The following CYP3A5 variants were observed in gnomAD, a reference collection of about 807,000 sequenced individuals.
CYP3A5 encodes cytochrome P450 family 3 subfamily A member 5.
CYP3A5 carries 51 observed loss-of-function variants against 55.9 expected under a neutral mutation model. The ratio of observed to expected loss-of-function variants is 0.91; its 90% CI spans 0.73 to 1.15. The LOEUF is 1.15. CYP3A5 is among the 50% of genes most tolerant of loss of function. The pLI is 0.00. For missense variants in CYP3A5, 533 were observed against 596.6 expected (o/e 0.89, Z 1.11); for synonymous variants, 196 against 213.9 (o/e 0.92, Z 0.73).
Position 99,667,031 on chromosome 7 carries a change from A to G in CYP3A5, c.353T>C (p.Ile118Thr), listed in dbSNP as rs1811093184. ...CCATTCTTCATCCTCAGCTAAAGAG[A>G]TGGCACTTTTCATAAATCCCACTGG... ...LGPVGFMKSAISLAEDEEWKR... is the reference protein window; with the variant it reads ...LGPVGFMKSATSLAEDEEWKR... The change falls in exon 5 of 13, where the codon ATC becomes ACC. Residue 118 changes from isoleucine to threonine, a missense_variant. Physicochemically the swap from Ile to Thr is moderately conservative, Grantham distance 89. Transcript: ENST00000222982. 3 of 1,614,022 alleles carry G rather than the reference A, an allele frequency of 1.9e-6. No homozygotes were observed. The highest frequency in any genetic ancestry group is 1.3e-5 in the African/African-American group (1 of 74,926).
intron 2 of CYP3A5, 34 bp from the exon 3 acceptor site, chr7:99,674,619 A>T (rs1046541011): frequency 6.3e-7 from 1 of 1,581,974 alleles, no homozygotes; most frequent in Non-Finnish European, 8.7e-7. Flanking sequence ...GTTGATTATT[A>T]TTTTAAATAG....
At chr7:99,676,334 C>A in intron 1 of CYP3A5, 126 bp from the exon 2 acceptor site, 1 of 1,555,508 alleles carries the variant, frequency 6.4e-7, no homozygotes. Flanking sequence ...ATAATAACAG[C>A]AACTCCAACA....
In CYP3A5 at chr7:99,662,694, T is replaced by C; in HGVS notation, c.865+122A>G. On this transcript the variant is annotated intron_variant, in intron 9 of 12. Coordinates refer to ENST00000222982, the MANE Select transcript of CYP3A5 (RefSeq NM_000777.5). The surrounding 1 kb of genome is among the most constrained non-coding windows in gnomAD (Gnocchi z 4.3). ...AGCTACCATTTATAACATCTAAATG[T>C]GTGTTGTTCTGCTATGTGGCAAAAA... The C allele has an allele frequency of 1.1e-6, 1 of 883,740 alleles. No individual in the cohort carries two copies. Among genetic ancestry groups the C allele is most frequent in the Non-Finnish European group, 1.8e-6 (1 of 550,496 alleles). 54.7% of individuals were successfully genotyped at this position (883,740 alleles called of 1,614,324 possible).
intron 10 of CYP3A5, among the ~76,000 whole-genome samples, chr7:99,657,135 T>C (rs1343805831): frequency 6.6e-6 from 1 of 152,240 alleles, no homozygotes; most frequent in African/African-American, 2.4e-5. Context: ...CTTTTGAATG[T>C]GTTTGCTCCT....
At chr7:99,678,106 C>T (rs185099766) in intron 1 of CYP3A5, among the ~76,000 whole-genome samples, 9 of 152,338 alleles carry the variant, frequency 5.9e-5, no homozygotes, top group African/African-American at 1.7e-4. Context: ...CATTTTCTGA[C>T]TCCTGGGCTG....
chr7:99,677,467 G>T (rs1405402055), intron 1 of CYP3A5, among the ~76,000 whole-genome samples: 1 of 152,218 alleles, frequency 6.6e-6, no homozygotes, highest in African/African-American at 2.4e-5. Flanking sequence ...GTGCAGTATG[G>T]CATATAAGAT....
intron 1 of CYP3A5, among the ~76,000 whole-genome samples, chr7:99,676,826 A>G (rs891229653): frequency 6.6e-6 from 1 of 151,966 alleles, no homozygotes; most frequent in African/African-American, 2.4e-5. Context: ...CAGATTGACA[A>G]CTGTGTTCAT....
At chr7:99,650,317 C>A (rs1295453113) in intron 11 of CYP3A5, 85 bp from the exon 12 acceptor site, 10 of 1,255,944 alleles carry the variant, frequency 8.0e-6, no homozygotes, top group Admixed American at 7.6e-5. Flanking sequence ...TAAGAACAAC[C>A]CCCCTCCACC....
At chr7:99,670,589 G>C (rs1811507259) in intron 4 of CYP3A5, among the ~76,000 whole-genome samples, 2 of 152,162 alleles carry the variant, frequency 1.3e-5, no homozygotes, top group Non-Finnish European at 2.9e-5. Flanking sequence ...GGAATGCCTA[G>C]AGCTGCAATC....
At chr7:99,664,568 T>G (rs1465596868) in intron 7 of CYP3A5, among the ~76,000 whole-genome samples, 1 of 152,036 alleles carries the variant, frequency 6.6e-6, no homozygotes, top group Non-Finnish European at 1.5e-5. Flanking sequence ...AACAATACAG[T>G]TTTAAGTGAC....
At chr7:99,668,884 G>T (rs1294681904) in intron 4 of CYP3A5, among the ~76,000 whole-genome samples, 1 of 152,126 alleles carries the variant, frequency 6.6e-6, no homozygotes, top group Non-Finnish European at 1.5e-5. Context: ...TATTAGGTGT[G>T]TTTGTGGCAA....
At chr7:99,676,368 G>T in intron 1 of CYP3A5, 160 bp from the exon 2 acceptor site, 1 of 1,531,488 alleles carries the variant, frequency 6.5e-7, no homozygotes. Context: ...TCACTCATCA[G>T]GTCCTTTCCT....
chr7:99,664,284 A>ACAC (rs1399802641), intron 7 of CYP3A5, among the ~76,000 whole-genome samples, 189 bp from the exon 8 acceptor site: 7 of 152,240 alleles, frequency 4.6e-5, no homozygotes, highest in Non-Finnish European at 7.3e-5. Context: ...TACATAGGAA[A>ACAC]CACCACTACA....
intron 6 of CYP3A5, among the ~76,000 whole-genome samples, chr7:99,665,981 C>A (rs866048162): frequency 6.6e-6 from 1 of 152,324 alleles, no homozygotes; most frequent in Middle Eastern, 3.4e-3. Flanking sequence ...TGAGTGACCA[C>A]ATGTCCCAAG....
chr7:99,669,284 A>C (rs1811349227), intron 4 of CYP3A5, among the ~76,000 whole-genome samples: 1 of 152,226 alleles, frequency 6.6e-6, no homozygotes, highest in Non-Finnish European at 1.5e-5. Context: ...TATATGCAAA[A>C]ACGTGCTGAC....
chr7:99,673,753 T>A (rs930358990), intron 3 of CYP3A5, among the ~76,000 whole-genome samples: 4 of 152,152 alleles, frequency 2.6e-5, no homozygotes, highest in Admixed American at 2.0e-4. Flanking sequence ...GAGCACATAT[T>A]AGAAGGGTCT....
intron 11 of CYP3A5, among the ~76,000 whole-genome samples, chr7:99,650,454 G>C (rs1346495171): frequency 6.6e-6 from 1 of 152,124 alleles, no homozygotes; most frequent in Non-Finnish European, 1.5e-5. Context: ...AGCGTTTCTT[G>C]AGATGAGATG....
At chr7:99,678,000 T>A (rs1812458195) in intron 1 of CYP3A5, among the ~76,000 whole-genome samples, 1 of 152,122 alleles carries the variant, frequency 6.6e-6, no homozygotes, top group African/African-American at 2.4e-5. Context: ...TCTGGTAGAG[T>A]AATGCAGCCT....
rs1810528676 is a variant in CYP3A5 at position 99,662,266 on chromosome 7, T to TG, written c.865+549dup. ...CATTTTGCCACTGTCTTAGTAATAA[T>TG]GGTTTTGGTTAAAACCATCCATGGG... On this transcript the variant is annotated intron_variant, in intron 9 of 12. Coordinates refer to ENST00000222982, the MANE Select transcript of CYP3A5 (RefSeq NM_000777.5). This position sits in a 1 kb window ranked among gnomAD's most constrained non-coding sequence, Gnocchi z 4.3. 6.6e-6 allele frequency among the ~76,000 whole-genome samples: 1 copy of TG among 152,218 alleles called. No individual in the cohort carries two copies. Among genetic ancestry groups the TG allele is most frequent in the African/African-American group, 2.4e-5 (1 of 41,458 alleles).
Sources: gnomAD v4.1 joint callset for allele counts (sites outside exome capture counted in the v4.1 genomes callset) on GRCh38, gnomAD v4.1.1 for gene constraint, Gnocchi (gnomAD v3.1) non-coding constraint, MANE v1.5 for transcripts, NCBI Gene and HGNC (gene_info 2026-07-23, HGNC 2026-07-21) for gene names.